JARID2: variants seen among roughly 807,000 people sequenced by gnomAD.
The protein encoded by JARID2 is protein Jumonji.
JARID2 carries 21 observed loss-of-function variants against 125.6 expected under a neutral mutation model. The observed-to-expected ratio is 0.17, with a 90% CI of 0.12 to 0.24. JARID2 has a LOEUF of 0.24. Among genes scored for constraint, JARID2 ranks in the 10% least tolerant of loss-of-function variants. JARID2 has a pLI of 1.00. For synonymous variants in JARID2, 736 were observed against 661.6 expected (o/e 1.11, Z -1.73); for missense variants, 1,303 against 1,639.6 (o/e 0.79, Z 3.55).
In JARID2 at chr6:15,454,059, A is replaced by G. The variant is rs1768041703; in HGVS notation, c.493+1884A>G. Among the ~76,000 whole-genome samples the G allele has an allele frequency of 2.0e-5, 3 of 152,230 alleles. No individual in the cohort carries two copies. The South Asian group carries it at 6.2e-4, about 32-fold the overall frequency. ...CCGTGAGTTAGCAGCCATACCTCCA[A>G]TTTCAATTTAACACTAAGGGAGGTT... is the stretch of plus-strand genomic sequence containing the variant. On this transcript the variant is annotated intron_variant, in intron 4 of 17. Transcript: ENST00000341776.
intron 1 of JARID2, among the ~76,000 whole-genome samples, chr6:15,262,717 T>C (rs1337025270): frequency 1.3e-5 from 2 of 151,990 alleles, no homozygotes; most frequent in African/African-American, 4.8e-5. Context: ...TTTGTATTCT[T>C]AGTAGAGACG....
chr6:15,376,854 C>T (rs533582926), intron 2 of JARID2, among the ~76,000 whole-genome samples: 29 of 152,258 alleles, frequency 1.9e-4, no homozygotes, highest in Admixed American at 9.8e-4. Context: ...TAGGTGTTTT[C>T]GGAGCATGAT....
intron 2 of JARID2, among the ~76,000 whole-genome samples, chr6:15,391,426 A>G (rs1047132101): frequency 2.0e-5 from 3 of 152,196 alleles, no homozygotes; most frequent in Non-Finnish European, 4.4e-5. Context: ...AATGGAGGCT[A>G]GATCTGTGCC....
chr6:15,350,282 T>C (rs575276442), intron 1 of JARID2, among the ~76,000 whole-genome samples: 60 of 152,306 alleles, frequency 3.9e-4, no homozygotes, highest in Non-Finnish European at 1.0e-4. Flanking sequence ...TATGCTGTTA[T>C]TTTTGTGCTG....
intron 1 of JARID2, among the ~76,000 whole-genome samples, chr6:15,266,432 A>G (rs900542418): frequency 2.0e-5 from 3 of 152,312 alleles, no homozygotes; most frequent in Non-Finnish European, 2.9e-5. Context: ...AAAGGAAAAT[A>G]GCAAACCGTG....
rs1481312751 is a variant in JARID2 at position 15,415,393 on chromosome 6, G to A, written c.323+5028G>A. ...TCCTCACTTCCCTGTAGGGGCGGCC[G>A]GGCAGAGGCGCCCCTCACCTCCCAG... On this transcript the variant is annotated intron_variant, in intron 3 of 17. Transcript: ENST00000341776. Among the ~76,000 whole-genome samples, 6 of 150,334 alleles carry A rather than the reference G, an allele frequency of 4.0e-5. No homozygotes were observed. The East Asian group carries it at 6.0e-4, about 15-fold the overall frequency.
In JARID2 at chr6:15,496,661, G is replaced by A; in HGVS notation, c.1436G>A (p.Gly479Asp). 6.2e-7 allele frequency: 1 copy of A among 1,612,704 alleles called. No homozygotes were observed. The highest frequency in any genetic ancestry group is 1.1e-5 in the South Asian group (1 of 91,070). The change falls in exon 7 of 18, where the codon GGT (glycine) becomes GAT (aspartate). Residue 479 changes from glycine to aspartate, a missense_variant. Around this residue, in one of 11 missense-constraint regions of JARID2, gnomAD observed 651 missense variants for 581.6 expected, o/e 1.12. Coordinates refer to ENST00000341776, the MANE Select transcript of JARID2 (RefSeq NM_004973.4). ...GGCAAGAAGGCCCCGGCCGAGAGAGGTCTGCTGAACGGACACGTGAAGAAG... is the reference window on the plus strand; with the variant it reads ...GGCAAGAAGGCCCCGGCCGAGAGAGATCTGCTGAACGGACACGTGAAGAAG... ...GPGKKAPAER[G>D]LLNGHVKKEV...
At chr6:15,509,629 C>T (rs1008343296) in intron 12 of JARID2, among the ~76,000 whole-genome samples, 2 of 152,370 alleles carry the variant, frequency 1.3e-5, no homozygotes, top group Non-Finnish European at 2.9e-5. Flanking sequence ...ACAGCCAGGA[C>T]TATTCCGAGA....
At position 15,501,267 on chromosome 6, in the gene JARID2, G is replaced by T; in HGVS notation, c.2306G>T (p.Gly769Val). 2 of 1,613,608 alleles carry T rather than the reference G, an allele frequency of 1.2e-6. No homozygotes were observed. The highest frequency in any genetic ancestry group is 2.2e-5 in the South Asian group (2 of 91,082). ...ATCCACGGCGTGGCCCCCAGGAACGGCTTCCGCAGCAAGCTCAAGGAGGTG... is the reference window on the plus strand; with the variant it reads ...ATCCACGGCGTGGCCCCCAGGAACGTCTTCCGCAGCAAGCTCAAGGAGGTG... ...GLIHGVAPRN[G>V]FRSKLKEVGQ... Residue 769 changes from glycine to valine, a missense_variant, in exon 8 of 18, where the codon GGC becomes GTC. Physicochemically the swap from Gly to Val is moderately radical, Grantham distance 109. Transcript: ENST00000341776.
At position 15,396,545 on chromosome 6, in the gene JARID2, C is replaced by T. The variant is rs528473766; in HGVS notation, c.182-13679C>T. ...ATGGGTGATACATTTCAATACCCTCCGTGTATGCCTGAAACTGTCGCTATT... is the reference window on the plus strand; with the variant it reads ...ATGGGTGATACATTTCAATACCCTCTGTGTATGCCTGAAACTGTCGCTATT... On this transcript the variant is annotated intron_variant, in intron 2 of 17. Transcript: ENST00000341776. Among the ~76,000 whole-genome samples the T allele has an allele frequency of 4.0e-3, 606 of 152,236 alleles. 3 individuals are homozygous for T. Among genetic ancestry groups the T allele is most frequent in the Admixed American group, 6.5e-3 (99 of 15,296 alleles).
At chr6:15,279,198 C>A (rs1760659312) in intron 1 of JARID2, among the ~76,000 whole-genome samples, 1 of 149,910 alleles carries the variant, frequency 6.7e-6, no homozygotes, top group Admixed American at 6.6e-5. Flanking sequence ...CCACTAAATA[C>A]AGTGTGGTTG....
At chr6:15,352,758 T>C (rs1763472422) in intron 1 of JARID2, among the ~76,000 whole-genome samples, 1 of 152,218 alleles carries the variant, frequency 6.6e-6, no homozygotes, top group African/African-American at 2.4e-5. Context: ...CCCTCAGACA[T>C]GACTGTAAGT....
chr6:15,283,647 G>C, intron 1 of JARID2, among the ~76,000 whole-genome samples: 1 of 145,696 alleles, frequency 6.9e-6, no homozygotes, highest in African/African-American at 2.5e-5. Flanking sequence ...CGGCCATTCT[G>C]ATATTTATTA....
intron 1 of JARID2, among the ~76,000 whole-genome samples, chr6:15,303,251 C>T (rs949359413): frequency 1.2e-4 from 19 of 152,232 alleles, no homozygotes; most frequent in African/African-American, 4.1e-4. Context: ...AGGTAGCGCA[C>T]CTCGAACTTG....
At chr6:15,401,437 T>A (rs1765430129) in intron 2 of JARID2, among the ~76,000 whole-genome samples, 1 of 152,232 alleles carries the variant, frequency 6.6e-6, no homozygotes. Context: ...ATTACCAATT[T>A]ATCTGATCAT....
chr6:15,338,566 G>A (rs1480762770), intron 1 of JARID2, among the ~76,000 whole-genome samples: 1 of 152,180 alleles, frequency 6.6e-6, no homozygotes, highest in African/African-American at 2.4e-5. Flanking sequence ...CGACAATATA[G>A]GATTGATCCA....
At chr6:15,466,130 C>T (rs567426509) in intron 4 of JARID2, among the ~76,000 whole-genome samples, 2 of 152,286 alleles carry the variant, frequency 1.3e-5, no homozygotes, top group South Asian at 4.1e-4. Flanking sequence ...ATATTGCTCT[C>T]ACATGGCCTC....
intron 1 of JARID2, among the ~76,000 whole-genome samples, chr6:15,362,986 G>T (rs575256541): frequency 3.9e-5 from 6 of 152,118 alleles, no homozygotes; most frequent in Non-Finnish European, 5.9e-5. Flanking sequence ...GGTTGTGGTG[G>T]GGAGGGAGGA....
chr6:15,309,074 T>A (rs1278406081), intron 1 of JARID2, among the ~76,000 whole-genome samples: 1 of 152,226 alleles, frequency 6.6e-6, no homozygotes, highest in Non-Finnish European at 1.5e-5. Flanking sequence ...AGCTGCAAGA[T>A]TGATGTTGGA....
Sources: allele counts gnomAD v4.1 joint callset (sites outside exome capture counted in the v4.1 genomes callset), GRCh38; gene constraint gnomAD v4.1.1; regional missense constraint gnomAD v4.1.1; transcripts MANE v1.5; gene names NCBI Gene and HGNC (gene_info 2026-07-23, HGNC 2026-07-21).